The following PARD3 variants were observed in gnomAD, a reference collection of about 807,000 sequenced individuals.
PARD3 encodes the protein par-3 family cell polarity regulator, also known as partitioning defective 3 homolog.
Under a neutral mutation model 155.4 loss-of-function variants are expected in PARD3, and 75 were observed. The observed-to-expected ratio is 0.48, with a 90% confidence interval of 0.40 to 0.58. PARD3 has a LOEUF of 0.58. Among genes scored for constraint, PARD3 ranks in the 20% least tolerant of loss-of-function variants. The probability of loss-of-function intolerance (pLI) is 0.00; values close to 1 mark genes in which losing one functional copy is unlikely to be tolerated. For synonymous variants in PARD3, 576 were observed against 610.5 expected, an observed-to-expected ratio of 0.94 and a Z score of 0.83; for missense variants, 1,642 against 1,721.7, an observed-to-expected ratio of 0.95 and a Z score of 0.82.
At position 34,451,359 on chromosome 10, in the gene PARD3, C is replaced by A. The variant is rs140289562; in HGVS notation, c.583-911G>T. On this transcript the variant is annotated intron_variant, in intron 4 of 24. Transcript: ENST00000374788. ...AGTTGGATCCACTTAACTCAGTACA[C>A]CAAGTTAGAAGAAGTACTGGCATAT... is the stretch of plus-strand genomic sequence containing the variant. Among the ~76,000 whole-genome samples the A allele has an allele frequency of 1.5e-4, 23 of 152,192 alleles. No individual in the cohort carries two copies. In the East Asian group the frequency reaches 4.4e-3, roughly 29 times the overall value.
intron 20 of PARD3, among the ~76,000 whole-genome samples, chr10:34,293,974 C>T (rs1015526704): frequency 8.5e-5 from 13 of 152,122 alleles, no homozygotes; most frequent in Non-Finnish European, 1.6e-4. Flanking sequence ...AGGCAGTCCC[C>T]ATAAGAAATG....
intron 2 of PARD3, among the ~76,000 whole-genome samples, chr10:34,656,640 C>A (rs549776451): frequency 1.1e-4 from 17 of 152,290 alleles, no homozygotes; most frequent in Non-Finnish European, 1.9e-4. Flanking sequence ...CCAAAAGCTT[C>A]CTAATGACAA....
At chr10:34,587,466 A>T (rs763203828) in intron 2 of PARD3, among the ~76,000 whole-genome samples, 3 of 152,126 alleles carry the variant, frequency 2.0e-5, no homozygotes, top group Non-Finnish European at 4.4e-5. Context: ...AAATGCAATG[A>T]ATGTTGCTCC....
At chr10:34,569,424 T>C (rs1007624609) in intron 2 of PARD3, among the ~76,000 whole-genome samples, 1 of 152,140 alleles carries the variant, frequency 6.6e-6, no homozygotes, top group African/African-American at 2.4e-5. Flanking sequence ...ACTATATATA[T>C]ATATTTTTTT....
At chr10:34,306,526 G>A (rs1957417385) in intron 20 of PARD3, among the ~76,000 whole-genome samples, 1 of 151,850 alleles carries the variant, frequency 6.6e-6, no homozygotes, top group Admixed American at 6.6e-5. Flanking sequence ...GTGCATGCCT[G>A]TAATCCCAGC....
At position 34,382,751 on chromosome 10, in the gene PARD3, A is replaced by C. The variant is rs899996714; in HGVS notation, c.1188T>G (p.Ser396Arg). ...SQYIDNRSVN[S>R]AGLHTVQRAP... ...CTCTCTGCACCGTGTGAAGCCCTGC[A>C]CTGTTCACACTCCTGTTGTCAATAT... Residue 396 changes from serine to arginine, a missense_variant, in exon 9 of 25, where the codon AGT becomes AGG. This residue lies in a region of PARD3 where 1,529 missense variants were observed against 1,587.3 expected (regional missense o/e 0.96). Coordinates refer to ENST00000374788, the MANE Select transcript of PARD3 (RefSeq NM_001184785.2). The C allele has an allele frequency of 1.9e-6, 3 of 1,614,212 alleles. No individual in the cohort carries two copies. The highest frequency in any genetic ancestry group is 2.5e-6 in the Non-Finnish European group (3 of 1,180,026).
chr10:34,500,604 G>C (rs1041116574), intron 3 of PARD3, among the ~76,000 whole-genome samples: 1 of 152,116 alleles, frequency 6.6e-6, no homozygotes, highest in Non-Finnish European at 1.5e-5. Flanking sequence ...AGCTGGGTGT[G>C]GTGGCTCATG....
At chr10:34,642,687 G>A (rs1453051621) in intron 2 of PARD3, among the ~76,000 whole-genome samples, 3 of 151,764 alleles carry the variant, frequency 2.0e-5, no homozygotes, top group African/African-American at 4.8e-5. Flanking sequence ...CTACCTAGAC[G>A]GCCCCCTCCC....
chr10:34,369,971 G>A (rs1480184785), intron 12 of PARD3, among the ~76,000 whole-genome samples: 3 of 152,094 alleles, frequency 2.0e-5, no homozygotes, highest in Admixed American at 6.6e-5. Context: ...TATTCAAAAA[G>A]CCTAAAACAG....
chr10:34,189,440 T>C (rs946043553), intron 22 of PARD3, among the ~76,000 whole-genome samples: 1 of 152,240 alleles, frequency 6.6e-6, no homozygotes, highest in Non-Finnish European at 1.5e-5. Context: ...GCAAAACAGC[T>C]GGCAACTTGG....
chr10:34,183,506 G>C (rs564288219), intron 22 of PARD3, among the ~76,000 whole-genome samples: 2 of 152,262 alleles, frequency 1.3e-5, no homozygotes, highest in Non-Finnish European at 2.9e-5. Flanking sequence ...AAATGCAGGC[G>C]AGTAGAAACT....
At chr10:34,551,985 G>A (rs2084617147) in intron 2 of PARD3, among the ~76,000 whole-genome samples, 1 of 152,206 alleles carries the variant, frequency 6.6e-6, no homozygotes, top group Admixed American at 6.5e-5. Flanking sequence ...CCCAAGACTT[G>A]AGGTAAAAGG....
chr10:34,570,855 G>A (rs913176272), intron 2 of PARD3, among the ~76,000 whole-genome samples: 1 of 152,130 alleles, frequency 6.6e-6, no homozygotes, highest in African/African-American at 2.4e-5. Context: ...AAATACTTGT[G>A]ACCTCAGTAA....
Position 34,317,238 on chromosome 10 carries a change from G to A in PARD3, c.2934C>T (p.Asn978=), listed in dbSNP as rs1391145976. 1 of 1,612,464 alleles carries A rather than the reference G, an allele frequency of 6.2e-7. No homozygotes were observed. Among genetic ancestry groups the A allele is most frequent in the Admixed American group, 1.7e-5 (1 of 59,870 alleles). Residue 978 remains asparagine (N), a synonymous_variant, in exon 20 of 25, where the codon AAC becomes AAT. Transcript: ENST00000374788. ...SHSLERQMNG[N]QEKGDKTDRK... ...TATCAGTCTTATCACCTTTCTCTTG[G>A]TTTCCATTCATTTGTCTCTCCAGAG...
At chr10:34,660,003 A>G (rs2093279980) in intron 2 of PARD3, among the ~76,000 whole-genome samples, 1 of 152,252 alleles carries the variant, frequency 6.6e-6, no homozygotes. Flanking sequence ...AAAAGTACTC[A>G]GAAATCTCTC....
chr10:34,396,951 C>T (rs1843407061), intron 7 of PARD3, among the ~76,000 whole-genome samples: 2 of 152,180 alleles, frequency 1.3e-5, no homozygotes, highest in South Asian at 2.1e-4. Context: ...CTTCCCCTAT[C>T]AGCTCACAGA....
At chr10:34,166,721 C>G (rs1267985830) in intron 22 of PARD3, among the ~76,000 whole-genome samples, 1 of 152,096 alleles carries the variant, frequency 6.6e-6, no homozygotes, top group African/African-American at 2.4e-5. Context: ...AGTGTCCACT[C>G]ACAAAACACC....
intron 1 of PARD3, among the ~76,000 whole-genome samples, chr10:34,727,070 C>A (rs748230128): frequency 7.9e-5 from 12 of 152,246 alleles, no homozygotes; most frequent in Non-Finnish European, 1.6e-4. Context: ...CTTACCATTA[C>A]ACTATCCTTA....
At chr10:34,562,806 G>C (rs2085610607) in intron 2 of PARD3, among the ~76,000 whole-genome samples, 1 of 151,634 alleles carries the variant, frequency 6.6e-6, no homozygotes, top group South Asian at 2.1e-4. Context: ...TGTCACCTGG[G>C]CTGGAGTACA....
Sources: gnomAD v4.1 joint callset for allele counts (sites outside exome capture counted in the v4.1 genomes callset) on GRCh38, gnomAD v4.1.1 for gene constraint, gnomAD v4.1.1 regional missense constraint, MANE v1.5 for transcripts, NCBI Gene and HGNC (gene_info 2026-07-23, HGNC 2026-07-21) for gene names.